Variants in UBAP2 observed in about 807,000 individuals in gnomAD.
UBAP2 encodes the protein ubiquitin-associated protein 2.
Under a neutral mutation model 139.6 loss-of-function variants are expected in UBAP2, and 75 were observed. The ratio of observed to expected loss-of-function variants is 0.54; its 90% CI spans 0.45 to 0.65. The LOEUF is 0.65. Among genes scored for constraint, UBAP2 ranks in the 30% least tolerant of loss-of-function variants. The pLI is 0.00. For missense variants in UBAP2, 1,368 were observed against 1,369.6 expected, an observed-to-expected ratio of 1.00 and a Z score of 0.02; for synonymous variants, 526 against 526.2, an observed-to-expected ratio of 1.00 and a Z score of 0.01.
chr9:33,941,192 T>G (rs1825168120), intron 16 of UBAP2, among the ~76,000 whole-genome samples: 1 of 152,232 alleles, frequency 6.6e-6, no homozygotes, highest in Non-Finnish European at 1.5e-5. Context: ...ACTTTAAAAC[T>G]ATATCAAAAA....
chr9:34,037,103 C>T (rs1199384143), intron 1 of UBAP2, among the ~76,000 whole-genome samples: 1 of 151,512 alleles, frequency 6.6e-6, no homozygotes, highest in Non-Finnish European at 1.5e-5. Context: ...ATTCTCCTGC[C>T]TCGGCCTCCG....
intron 6 of UBAP2, among the ~76,000 whole-genome samples, chr9:33,983,537 G>A (rs959954235): frequency 1.3e-5 from 2 of 152,162 alleles, no homozygotes; most frequent in African/African-American, 4.8e-5. Flanking sequence ...GAACAGGGTG[G>A]TAAGGACTAA....
chr9:33,952,995 AAGT>A (rs1443402461), intron 12 of UBAP2: 3 of 198,416 alleles, frequency 1.5e-5, no homozygotes, highest in African/African-American at 6.9e-5. Flanking sequence ...TCAGCCTCCC[AAGT>A]AACTGAGACT....
intron 20 of UBAP2, 152 bp from the exon 21 acceptor site, chr9:33,927,232 G>A (rs1823520417): frequency 1.6e-6 from 1 of 622,424 alleles, no homozygotes; most frequent in Non-Finnish European, 2.8e-6. Flanking sequence ...ATTCTACAAA[G>A]CAGTGAAGGG....
intron 28 of UBAP2, 39 bp from the exon 29 acceptor site, chr9:33,922,638 C>CGT (rs1823005270): frequency 6.3e-7 from 1 of 1,599,762 alleles, no homozygotes; most frequent in African/African-American, 1.3e-5. Flanking sequence ...AAGGCTGGAG[C>CGT]AGAACCCCTG....
chr9:33,989,898 A>T (rs1377620015), intron 4 of UBAP2, among the ~76,000 whole-genome samples: 4 of 152,222 alleles, frequency 2.6e-5, no homozygotes, highest in Non-Finnish European at 1.5e-5. Context: ...TTAATGGCAG[A>T]TAAGTAAAAT....
At chr9:34,016,306 G>GAGA (rs201069752) in intron 2 of UBAP2, among the ~76,000 whole-genome samples, 15,379 of 124,028 alleles carry the variant, frequency 0.12, 1,493 homozygotes, top group African/African-American at 0.22. Flanking sequence ...AGAGGAGGAA[G>GAGA]AGGAGGAAGA....
chr9:33,989,125 G>A lies in UBAP2; in HGVS notation c.290C>T (p.Thr97Ile). 2 of 1,604,532 alleles carry A rather than the reference G, an allele frequency of 1.2e-6. No homozygotes were observed. Among genetic ancestry groups the A allele is most frequent in the Non-Finnish European group, 8.5e-7 (1 of 1,177,372 alleles). Residue 97 changes from threonine (T) to isoleucine (I), a missense_variant and splice_region_variant, in exon 5 of 29, where the codon ACT (threonine) becomes ATT (isoleucine). Physicochemically the swap from Thr to Ile is moderately conservative, Grantham distance 89. Coordinates refer to ENST00000379238, the MANE Select transcript of UBAP2 (RefSeq NM_001370062.2). Reference sequence around the variant, plus strand: ...CTTACACCCTACAGTCTCCCATGAAGTCTATCAGAGAGAACGGCTGTTAAT... The same window carrying A: ...CTTACACCCTACAGTCTCCCATGAAATCTATCAGAGAGAACGGCTGTTAAT... The part of the protein sequence containing the change: ...NILLEGNSDT[T>I]SWETVGCKKK...
chr9:33,983,190 G>A (rs1271415191), intron 6 of UBAP2, among the ~76,000 whole-genome samples: 1 of 152,000 alleles, frequency 6.6e-6, no homozygotes, highest in Non-Finnish European at 1.5e-5. Context: ...CCTATAATGT[G>A]TTTTTATAAC....
At chr9:34,038,143 G>GAAAAAA (rs78650365) in intron 1 of UBAP2, among the ~76,000 whole-genome samples, 3 of 127,248 alleles carry the variant, frequency 2.4e-5, no homozygotes, top group Admixed American at 8.1e-5. Context: ...TCCAGCCTGG[G>GAAAAAA]AAAAAAAAAA....
At chr9:33,985,053 G>A (rs1821088012) in intron 6 of UBAP2, among the ~76,000 whole-genome samples, 1 of 152,152 alleles carries the variant, frequency 6.6e-6, no homozygotes. Flanking sequence ...AAAACAGTAT[G>A]GAGATTTATC....
At chr9:33,960,394 G>A (rs1172889965) in intron 10 of UBAP2, among the ~76,000 whole-genome samples, 2 of 152,038 alleles carry the variant, frequency 1.3e-5, no homozygotes, top group African/African-American at 2.4e-5. Flanking sequence ...CCCTGGCTAC[G>A]ATACATGCCA....
chr9:33,966,122 A>G (rs900963412), intron 8 of UBAP2, among the ~76,000 whole-genome samples: 8 of 151,938 alleles, frequency 5.3e-5, no homozygotes. Context: ...AGGCTACTTT[A>G]GTTCCTTTAA....
intron 1 of UBAP2, among the ~76,000 whole-genome samples, chr9:34,035,277 CG>C (rs1358795736): frequency 1.3e-5 from 2 of 151,272 alleles, no homozygotes; most frequent in Non-Finnish European, 2.9e-5. Context: ...CCGAGGCGGG[CG>C]GATCACCTGA....
chr9:33,964,302 G>A (rs1051634532), intron 8 of UBAP2, among the ~76,000 whole-genome samples: 3 of 152,126 alleles, frequency 2.0e-5, no homozygotes, highest in African/African-American at 7.2e-5. Flanking sequence ...AGCACCATCA[G>A]CTGACATCCT....
chr9:34,024,541 A>G (rs1825241967), intron 1 of UBAP2, among the ~76,000 whole-genome samples: 1 of 152,192 alleles, frequency 6.6e-6, no homozygotes, highest in Admixed American at 6.6e-5. Flanking sequence ...ATGTCCAGCA[A>G]AAAAATTTCC....
chr9:33,945,524 G>C (rs1401033237), intron 13 of UBAP2, among the ~76,000 whole-genome samples: 4 of 151,920 alleles, frequency 2.6e-5, no homozygotes, highest in African/African-American at 9.7e-5. Flanking sequence ...AAATCCAATA[G>C]ATACAAGAAT....
At chr9:34,041,652 C>T (rs906121982) in intron 1 of UBAP2, among the ~76,000 whole-genome samples, 2 of 151,982 alleles carry the variant, frequency 1.3e-5, no homozygotes, top group Admixed American at 6.6e-5. Context: ...AGCTGAGAAG[C>T]CGAGATCGTG....
At position 33,989,104 on chromosome 9, in the gene UBAP2, C is replaced by A; in HGVS notation, c.311G>T (p.Cys104Phe). The A allele has an allele frequency of 1.2e-6, 2 of 1,613,474 alleles. No individual in the cohort carries two copies. Among genetic ancestry groups the A allele is most frequent in the Non-Finnish European group, 1.7e-6 (2 of 1,179,860 alleles). The change falls in exon 5 of 29, where the codon TGT becomes TTT. Residue 104 changes from cysteine (C) to phenylalanine (F), a missense_variant. Cys to Phe is a radical substitution (Grantham distance 205). Coordinates refer to ENST00000379238, the MANE Select transcript of UBAP2 (RefSeq NM_001370062.2). ...SDTTSWETVG[C>F]KKKNFAKENS... Reference sequence around the variant, plus strand: ...TTCTTTTGCAAAATTCTTTTTCTTACACCCTACAGTCTCCCATGAAGTCTA... The same window carrying A: ...TTCTTTTGCAAAATTCTTTTTCTTAAACCCTACAGTCTCCCATGAAGTCTA...
Sources: gnomAD v4.1 joint callset for allele counts (sites outside exome capture counted in the v4.1 genomes callset) on GRCh38, gnomAD v4.1.1 for gene constraint, MANE v1.5 for transcripts, NCBI Gene and HGNC (gene_info 2026-07-23, HGNC 2026-07-21) for gene names.